The following CRIM1 variants were observed in gnomAD, a reference collection of about 807,000 sequenced individuals.
CRIM1 encodes cysteine rich transmembrane BMP regulator 1, also known as cysteine-rich motor neuron 1 protein.
Under a neutral mutation model 116.4 loss-of-function variants are expected in CRIM1, and 32 were observed. The observed-to-expected ratio is 0.27, with a 90% CI of 0.21 to 0.37. The LOEUF is 0.37. Ranked by LOEUF, CRIM1 falls within the 10% of genes least tolerant of loss-of-function variation. CRIM1 has a pLI of 1.00. For missense variants in CRIM1, 1,331 were observed against 1,354.8 expected (o/e 0.98, Z 0.28); for synonymous variants, 590 against 509.2 (o/e 1.16, Z -2.13).
At chr2:36,373,176 G>A (rs1008161727) in intron 1 of CRIM1, among the ~76,000 whole-genome samples, 3 of 152,100 alleles carry the variant, frequency 2.0e-5, no homozygotes, top group Non-Finnish European at 4.4e-5. Context: ...CAGTTAAATC[G>A]AGGGTGTGGG....
chr2:36,465,430 A>G (rs969282534), intron 5 of CRIM1, among the ~76,000 whole-genome samples: 1 of 152,250 alleles, frequency 6.6e-6, no homozygotes, highest in African/African-American at 2.4e-5. Context: ...TATTTAGTCA[A>G]TACTTGTATA....
chr2:36,531,316 A>G (rs1226389881), intron 13 of CRIM1, among the ~76,000 whole-genome samples: 1 of 152,194 alleles, frequency 6.6e-6, no homozygotes, highest in Non-Finnish European at 1.5e-5. Context: ...ACTATAACAT[A>G]GGTTAGAGTC....
At chr2:36,477,893 C>T (rs575992188) in intron 6 of CRIM1, among the ~76,000 whole-genome samples, 1 of 152,290 alleles carries the variant, frequency 6.6e-6, no homozygotes, top group South Asian at 2.1e-4. Flanking sequence ...GTAACAATAA[C>T]CCCGTGCCTG....
chr2:36,459,010 T>G (rs754739832), intron 4 of CRIM1, among the ~76,000 whole-genome samples: 11 of 152,214 alleles, frequency 7.2e-5, no homozygotes, highest in Non-Finnish European at 1.2e-4. Flanking sequence ...AAGGAGTCTT[T>G]GTAAGTGATC....
intron 2 of CRIM1, among the ~76,000 whole-genome samples, chr2:36,404,319 G>C (rs1294379499): frequency 6.6e-6 from 1 of 152,160 alleles, no homozygotes; most frequent in Non-Finnish European, 1.5e-5. Flanking sequence ...AAAAGTATCT[G>C]ACTATAGTAG....
chr2:36,522,921 A>G (rs907375700), intron 13 of CRIM1, among the ~76,000 whole-genome samples: 1 of 151,528 alleles, frequency 6.6e-6, no homozygotes, highest in East Asian at 1.9e-4. Flanking sequence ...TTTCAATTTC[A>G]GAACTCTGTT....
intron 2 of CRIM1, among the ~76,000 whole-genome samples, chr2:36,417,665 G>A (rs189219504): frequency 8.7e-4 from 133 of 152,284 alleles, no homozygotes; most frequent in African/African-American, 2.9e-3. Context: ...ATTGGTGTCA[G>A]TTAAACTCTA....
intron 2 of CRIM1, among the ~76,000 whole-genome samples, chr2:36,435,684 T>G (rs2124917316): frequency 6.6e-6 from 1 of 152,186 alleles, no homozygotes; most frequent in South Asian, 2.1e-4. Flanking sequence ...CTATACTTCC[T>G]TGACATATGG....
chr2:36,479,658 G>T lies in CRIM1; in HGVS notation c.1336G>T (p.Val446Leu), dbSNP rs141419153. Residue 446 changes from valine (V) to leucine (L), a missense_variant, in exon 7 of 17, where the codon GTG becomes TTG. Around this residue, in one of 3 missense-constraint regions of CRIM1, gnomAD observed 690 missense variants for 676.0 expected, o/e 1.02. Transcript: ENST00000280527. ...CTGCGGACAGACCTGCACAAACCCT[G>T]TGAAAGTGCCTGGGGAGTGTTGCCC... ...TVCGQTCTNP[V>L]KVPGECCPVC... 427 of 1,614,088 alleles carry T rather than the reference G, an allele frequency of 2.6e-4. No homozygotes were observed. The highest frequency in any genetic ancestry group is 3.4e-4 in the Non-Finnish European group (397 of 1,180,036).
At position 36,495,496 on chromosome 2, in the gene CRIM1, T is replaced by G. The variant is rs1025108928; in HGVS notation, c.1373-3723T>G. Among the ~76,000 whole-genome samples, 202 of 148,776 alleles carry G rather than the reference T, an allele frequency of 1.4e-3. 2 individuals carry two copies. Among genetic ancestry groups the G allele is most frequent in the African/African-American group, 4.7e-3 (192 of 40,894 alleles). ...ATTTATTTTTTTTTTTTTTTTTTTT[T>G]GGATGAGAAACAGTCATACTGAGAT... On this transcript the variant is annotated intron_variant, in intron 7 of 16. Coordinates refer to ENST00000280527, the MANE Select transcript of CRIM1 (RefSeq NM_016441.3).
chr2:36,427,465 A>T (rs1379065995), intron 2 of CRIM1, among the ~76,000 whole-genome samples: 1 of 152,196 alleles, frequency 6.6e-6, no homozygotes, highest in Non-Finnish European at 1.5e-5. Context: ...CCATGGCAGC[A>T]TGAGAGGGTC....
intron 4 of CRIM1, among the ~76,000 whole-genome samples, chr2:36,451,863 T>A (rs1322518039): frequency 2.6e-5 from 4 of 152,194 alleles, no homozygotes; most frequent in Non-Finnish European, 5.9e-5. Context: ...AAAGCACTTC[T>A]TTTTTTCTTC....
chr2:36,357,497 C>A (rs1350653689), intron 1 of CRIM1, among the ~76,000 whole-genome samples: 1 of 152,090 alleles, frequency 6.6e-6, no homozygotes, highest in Non-Finnish European at 1.5e-5. Context: ...TTAGTGGAGT[C>A]TTTCTCGTTG....
At chr2:36,513,056 T>C (rs1664797631) in intron 10 of CRIM1, among the ~76,000 whole-genome samples, 1 of 152,196 alleles carries the variant, frequency 6.6e-6, no homozygotes, top group African/African-American at 2.4e-5. Flanking sequence ...TCCTAAACTT[T>C]GTTTTACGAT....
At chr2:36,541,774 C>T (rs185921046) in intron 14 of CRIM1, among the ~76,000 whole-genome samples, 2 of 152,254 alleles carry the variant, frequency 1.3e-5, no homozygotes, top group African/African-American at 4.8e-5. Context: ...GTGTAAATCT[C>T]CCTGGCACTG....
At chr2:36,373,497 C>T (rs1670081243) in intron 1 of CRIM1, among the ~76,000 whole-genome samples, 1 of 152,222 alleles carries the variant, frequency 6.6e-6, no homozygotes. Context: ...CAGCCTTTGA[C>T]TGGCCTATCG....
At position 36,522,230 on chromosome 2, in the gene CRIM1, T is replaced by C. The variant is rs1255629907; in HGVS notation, c.2345T>C (p.Ile782Thr). The C allele has an allele frequency of 1.2e-6, 2 of 1,614,202 alleles. No individual in the cohort carries two copies. The highest frequency in any genetic ancestry group is 3.3e-5 in the Admixed American group (2 of 60,020). Residue 782 changes from isoleucine to threonine, a missense_variant, in exon 13 of 17, where the codon ATT (isoleucine) becomes ACT (threonine). By Grantham distance (89) the Ile-to-Thr change is moderately conservative. Around this residue, in one of 3 missense-constraint regions of CRIM1, gnomAD observed 358 missense variants for 436.1 expected, o/e 0.82. Coordinates refer to ENST00000280527, the MANE Select transcript of CRIM1 (RefSeq NM_016441.3). Reference sequence around the variant, plus strand: ...AGCTGCATCTGCATTGATAGCGTAATTAGCTGTTTCTCTGAGTCCTGCCCT... The same window carrying C: ...AGCTGCATCTGCATTGATAGCGTAACTAGCTGTTTCTCTGAGTCCTGCCCT... The part of the protein sequence containing the change: ...CTSCICIDSV[I>T]SCFSESCPSV...
At chr2:36,422,248 T>C (rs1674123186) in intron 2 of CRIM1, among the ~76,000 whole-genome samples, 2 of 152,074 alleles carry the variant, frequency 1.3e-5, no homozygotes, top group African/African-American at 4.8e-5. Flanking sequence ...ATATAGTTAA[T>C]GTTCTTTAAT....
At chr2:36,442,827 A>T in intron 4 of CRIM1, 92 bp downstream of exon 4, 1 of 1,422,694 alleles carries the variant, frequency 7.0e-7, no homozygotes, top group Non-Finnish European at 9.8e-7. Flanking sequence ...TCCCATGAGA[A>T]ACCTAGTCCT....
Sources: allele counts gnomAD v4.1 joint callset (sites outside exome capture counted in the v4.1 genomes callset), GRCh38; gene constraint gnomAD v4.1.1; regional missense constraint gnomAD v4.1.1; transcripts MANE v1.5; gene names NCBI Gene and HGNC (gene_info 2026-07-23, HGNC 2026-07-21).